Variants in ZDHHC21 observed in about 807,000 individuals in gnomAD.
ZDHHC21 encodes zDHHC palmitoyltransferase 21, also known as palmitoyltransferase ZDHHC21.
In ZDHHC21, 15 loss-of-function variants were observed where a neutral mutation model predicts 34.6. That is an observed-to-expected ratio of 0.43 (90% CI 0.29 to 0.67). The LOEUF is 0.67. ZDHHC21 is among the 30% of genes least tolerant of loss of function. The pLI is 0.14. For synonymous variants in ZDHHC21, 142 were observed against 101.8 expected (o/e 1.40, Z -2.38); for missense variants, 344 against 327.7 (o/e 1.05, Z -0.38).
chr9:14,639,017 GA>G lies in ZDHHC21; in HGVS notation c.621+878del, dbSNP rs1184540515. ...TTCACTATTGGGTATTTATCCAAAGGAAAAAAAACAATCAGTATATCAAAGG... is the reference window on the plus strand; with the variant it reads ...TTCACTATTGGGTATTTATCCAAAGGAAAAAAACAATCAGTATATCAAAGG... On this transcript the variant is annotated intron_variant, in intron 8 of 9. Coordinates refer to ENST00000380916, the MANE Select transcript of ZDHHC21 (RefSeq NM_178566.6). Among the ~76,000 whole-genome samples, 20 of 151,354 alleles carry G rather than the reference GA, an allele frequency of 1.3e-4. No individual in the cohort carries two copies. In the East Asian group the frequency reaches 3.9e-3, roughly 29 times the overall value.
chr9:14,678,980 A>G (rs1041774893), intron 3 of ZDHHC21, among the ~76,000 whole-genome samples: 11 of 152,074 alleles, frequency 7.2e-5, no homozygotes, highest in Non-Finnish European at 1.3e-4. Context: ...GTTTTTCTGG[A>G]AAGAGACAGG....
chr9:14,600,841 A>G, the ZDHHC21 span, among the ~76,000 whole-genome samples: 1 of 152,156 alleles, frequency 6.6e-6, no homozygotes, highest in South Asian at 2.1e-4. Flanking sequence ...CTCAGAAACA[A>G]CGCCACACAT....
chr9:14,660,407 C>T lies in ZDHHC21; in HGVS notation c.366-1520G>A, dbSNP rs58099492. Among the ~76,000 whole-genome samples, 429 of 140,598 alleles carry T rather than the reference C, an allele frequency of 3.1e-3. 6 individuals carry two copies. Among genetic ancestry groups the T allele is most frequent in the African/African-American group, 0.011 (409 of 37,376 alleles). 92.2% of individuals were successfully genotyped at this position (140,598 alleles called of 152,430 possible). A position where few individuals can be genotyped will look rare whatever the true frequency, so the allele number is the denominator to read the frequency against. On this transcript the variant is annotated intron_variant, in intron 6 of 9. Transcript: ENST00000380916. Reference sequence around the variant, plus strand: ...AAAAAAAAAAAAAGAATGATCAGAGCCACAAATACAGAAAACCTTGAGGCA... The same window carrying T: ...AAAAAAAAAAAAAGAATGATCAGAGTCACAAATACAGAAAACCTTGAGGCA...
At chr9:14,685,845 A>G (rs1157066940) in intron 2 of ZDHHC21, among the ~76,000 whole-genome samples, 2 of 152,218 alleles carry the variant, frequency 1.3e-5, no homozygotes, top group African/African-American at 4.8e-5. Flanking sequence ...AAAATGTGGC[A>G]CATTATACAC....
the ZDHHC21 span, among the ~76,000 whole-genome samples, chr9:14,598,918 T>C: frequency 7.7e-6 from 1 of 129,670 alleles, no homozygotes; most frequent in Non-Finnish European, 1.5e-5. Flanking sequence ...ATCCCAGGCC[T>C]AGCTAAATTT....
At chr9:14,590,016 C>A in the ZDHHC21 span, 1 of 151,942 alleles carries the variant, frequency 6.6e-6, no homozygotes, top group Non-Finnish European at 1.5e-5. Context: ...AATTAACAGA[C>A]AAGGAGCTTA....
At chr9:14,670,688 A>G (rs11789042) in intron 5 of ZDHHC21, among the ~76,000 whole-genome samples, 5,156 of 152,236 alleles carry the variant, frequency 0.034, 126 homozygotes, top group Non-Finnish European at 0.047. Flanking sequence ...AAGATATTAC[A>G]TAAGTATCTA....
chr9:14,661,792 T>C (rs547807853), intron 6 of ZDHHC21, among the ~76,000 whole-genome samples: 39 of 152,306 alleles, frequency 2.6e-4, no homozygotes, highest in Admixed American at 1.0e-3. Context: ...GAAGAGGTTA[T>C]CAGGGTGTCT....
At chr9:14,608,627 G>C (rs1031266072), downstream of ZDHHC21, among the ~76,000 whole-genome samples, 5 of 151,620 alleles carry the variant, frequency 3.3e-5, no homozygotes, top group African/African-American at 1.2e-4. Context: ...TGCTGTGACT[G>C]ATACAAATAT....
intron 7 of ZDHHC21, among the ~76,000 whole-genome samples, chr9:14,657,823 A>G (rs903299351): frequency 6.6e-6 from 1 of 152,088 alleles, no homozygotes; most frequent in Non-Finnish European, 1.5e-5. Context: ...CCTTAATCTT[A>G]CTGAGGAATT....
chr9:14,627,915 T>C (rs1826585105), intron 8 of ZDHHC21, among the ~76,000 whole-genome samples: 1 of 152,078 alleles, frequency 6.6e-6, no homozygotes, highest in Non-Finnish European at 1.5e-5. Flanking sequence ...ATCCATTTGA[T>C]TCAGAAACAG....
At chr9:14,605,083 C>G in the ZDHHC21 span, among the ~76,000 whole-genome samples, 1 of 152,106 alleles carries the variant, frequency 6.6e-6, no homozygotes, top group African/African-American at 2.4e-5. Flanking sequence ...TACGTATATA[C>G]TAAATTTTCT....
chr9:14,650,259 G>C (rs1194192814), intron 7 of ZDHHC21, among the ~76,000 whole-genome samples: 1 of 151,406 alleles, frequency 6.6e-6, no homozygotes, highest in Non-Finnish European at 1.5e-5. Context: ...TTCTTTTCAA[G>C]CAAAAAAAAT....
the ZDHHC21 span, among the ~76,000 whole-genome samples, chr9:14,598,508 G>A: frequency 2.6e-5 from 4 of 152,106 alleles, no homozygotes; most frequent in Non-Finnish European, 4.4e-5. Flanking sequence ...TACATGAGAT[G>A]TGCAGATATC....
intron 2 of ZDHHC21, among the ~76,000 whole-genome samples, chr9:14,683,112 C>T (rs1345060430): frequency 6.6e-6 from 1 of 152,090 alleles, no homozygotes; most frequent in Non-Finnish European, 1.5e-5. Context: ...ACCCTAACAT[C>T]ACAATTAAAA....
chr9:14,591,506 C>T, the ZDHHC21 span, among the ~76,000 whole-genome samples: 13 of 152,052 alleles, frequency 8.5e-5, no homozygotes, highest in Admixed American at 6.6e-4. Flanking sequence ...ATTCTCCAGT[C>T]GCAGGTATTT....
chr9:14,622,484 CA>C (rs1825477647), intron 8 of ZDHHC21: 7 of 974,734 alleles, frequency 7.2e-6, no homozygotes, highest in Non-Finnish European at 8.5e-6. Flanking sequence ...TGAGAGGTTG[CA>C]GGGGGGTGGG....
rs1564368155 is a variant in ZDHHC21, at chr9:14,672,747, A to T, written c.253+83T>A. The T allele has an allele frequency of 8.9e-6, 8 of 902,944 alleles. No individual in the cohort carries two copies. In the Middle Eastern group the frequency reaches 1.2e-3, roughly 133 times the overall value. 55.9% of individuals were successfully genotyped at this position (902,944 alleles called of 1,614,324 possible). On this transcript the variant is annotated intron_variant, in intron 5 of 9. Coordinates refer to ENST00000380916, the MANE Select transcript of ZDHHC21 (RefSeq NM_178566.6). ...GTGGTGTTAGATGACATTTATAACC[A>T]ATATATATTAAAGGCAATAAAATAT...
downstream of ZDHHC21, among the ~76,000 whole-genome samples, chr9:14,608,883 C>T (rs964156266): frequency 6.6e-6 from 1 of 152,042 alleles, no homozygotes; most frequent in South Asian, 2.1e-4. Context: ...AATACAATCA[C>T]GTATTTTTAG....
Sources: gnomAD v4.1 joint callset for allele counts (sites outside exome capture counted in the v4.1 genomes callset) on GRCh38, gnomAD v4.1.1 for gene constraint, MANE v1.5 for transcripts, NCBI Gene and HGNC (gene_info 2026-07-23, HGNC 2026-07-21) for gene names.